Variants in KYNU observed in about 807,000 individuals in gnomAD.
KYNU encodes the protein kynureninase.
KYNU carries 54 observed loss-of-function variants against 59.2 expected under a neutral mutation model. That is an observed-to-expected ratio of 0.91 (90% CI 0.73 to 1.14). The LOEUF (loss-of-function observed/expected upper bound fraction) is 1.14. Ranked by LOEUF, KYNU falls within the 50% of genes most tolerant of loss-of-function variation. KYNU has a pLI of 0.00. For missense variants in KYNU, 567 were observed against 554.4 expected, an observed-to-expected ratio of 1.02 and a Z score of -0.23; for synonymous variants, 177 against 192.0, an observed-to-expected ratio of 0.92 and a Z score of 0.65.
chr2:143,013,509 C>G (rs1452877729), intron 10 of KYNU, among the ~76,000 whole-genome samples: 1 of 152,052 alleles, frequency 6.6e-6, no homozygotes, highest in Non-Finnish European at 1.5e-5. Context: ...TTTTTAATTT[C>G]TAGAAATTTG....
At chr2:142,908,451 T>C (rs1002784409) in intron 2 of KYNU, among the ~76,000 whole-genome samples, 1 of 151,950 alleles carries the variant, frequency 6.6e-6, no homozygotes. Context: ...GTAAATTAAA[T>C]GCCAGGCCTC....
Position 142,985,143 on chromosome 2 carries a change from T to A in KYNU, c.789T>A (p.His263Gln). The change falls in exon 9 of 14, where the codon CAT (histidine) becomes CAA (glutamine). Residue 263 changes from histidine to glutamine, a missense_variant. Coordinates refer to ENST00000264170, the MANE Select transcript of KYNU (RefSeq NM_003937.3). ...TTGGAAATGTTGAACTCTACTTACA[T>A]GACTGGGGAGTTGATTTTGCCTGCT... is the stretch of plus-strand genomic sequence containing the variant. ...HAVGNVELYL[H>Q]DWGVDFACWC... 1 of 1,611,530 alleles carries A rather than the reference T, an allele frequency of 6.2e-7. No individual in the cohort carries two copies. The highest frequency in any genetic ancestry group is 8.5e-7 in the Non-Finnish European group (1 of 1,178,090).
chr2:143,016,607 G>A (rs939889482), intron 10 of KYNU, among the ~76,000 whole-genome samples: 3 of 152,084 alleles, frequency 2.0e-5, no homozygotes, highest in African/African-American at 7.2e-5. Flanking sequence ...TCAGTTATAT[G>A]AACTGCTGTT....
chr2:142,976,728 A>G (rs528255676), intron 8 of KYNU, among the ~76,000 whole-genome samples: 3 of 152,296 alleles, frequency 2.0e-5, no homozygotes, highest in African/African-American at 7.2e-5. Flanking sequence ...CATACCCATG[A>G]CACAGCCTCA....
intron 6 of KYNU, 88 bp from the exon 7 acceptor site, chr2:142,957,553 G>A: frequency 1.3e-6 from 1 of 791,710 alleles, no homozygotes; most frequent in Non-Finnish European, 2.2e-6. Flanking sequence ...ATAATAATAT[G>A]CCCTTATTTT....
At chr2:142,924,351 C>T (rs115294459) in intron 3 of KYNU, among the ~76,000 whole-genome samples, 2,354 of 152,284 alleles carry the variant, frequency 0.015, 59 homozygotes, top group African/African-American at 0.053. Flanking sequence ...AAGGGATCAA[C>T]CCACCTTGGA....
At chr2:142,968,314 T>C (rs1256763628) in intron 8 of KYNU, among the ~76,000 whole-genome samples, 1 of 152,198 alleles carries the variant, frequency 6.6e-6, no homozygotes, top group African/African-American at 2.4e-5. Flanking sequence ...GTAAAATCCC[T>C]TCTAGAAAGT....
chr2:142,920,082 T>TAAA (rs1682824077), intron 3 of KYNU, among the ~76,000 whole-genome samples: 1 of 152,020 alleles, frequency 6.6e-6, no homozygotes, highest in Admixed American at 6.6e-5. Flanking sequence ...AAATAAATAA[T>TAAA]GTTTAGCTTA....
intron 3 of KYNU, among the ~76,000 whole-genome samples, chr2:142,921,544 C>T (rs1573792934): frequency 6.6e-6 from 1 of 151,944 alleles, no homozygotes; most frequent in South Asian, 2.1e-4. Flanking sequence ...GCAGTGGCTA[C>T]CATCTGTAAT....
chr2:143,029,580 C>T (rs761882040), intron 10 of KYNU, 47 bp from the exon 11 acceptor site: 2 of 1,217,706 alleles, frequency 1.6e-6, no homozygotes, highest in Non-Finnish European at 2.4e-6. Context: ...AGCAAGACTC[C>T]ATCCAAAAAA....
At chr2:142,919,739 G>C (rs1460322770) in intron 3 of KYNU, among the ~76,000 whole-genome samples, 1 of 152,164 alleles carries the variant, frequency 6.6e-6, no homozygotes, top group East Asian at 1.9e-4. Flanking sequence ...TTTGAGACCA[G>C]CCTGGCCAAC....
rs1683823702 is a variant in KYNU at position 142,947,323 on chromosome 2, ATTTTTT to A, written c.374-7486_374-7481del. The A allele has an allele frequency of 2.6e-6, 3 of 1,170,308 alleles. No homozygotes were observed. In the East Asian group the frequency reaches 7.7e-5, roughly 30 times the overall value. 72.5% of individuals were successfully genotyped at this position (1,170,308 alleles called of 1,614,324 possible). A position where few individuals can be genotyped will look rare whatever the true frequency, so the allele number is the denominator to read the frequency against. On this transcript the variant is annotated intron_variant, in intron 4 of 13. Coordinates refer to ENST00000264170, the MANE Select transcript of KYNU (RefSeq NM_003937.3). ...CACACCTGTGTCATAGAAGCATTCC[ATTTTTT>A]CTATTGCAGATGGGATTTCCTCTTC...
At chr2:142,953,686 T>C (rs1684069904) in intron 4 of KYNU, among the ~76,000 whole-genome samples, 1 of 152,192 alleles carries the variant, frequency 6.6e-6, no homozygotes, top group Non-Finnish European at 1.5e-5. Flanking sequence ...CTTACAGTGA[T>C]CAGAGATACG....
chr2:143,036,409 T>C (rs1573920637), intron 12 of KYNU, among the ~76,000 whole-genome samples: 2 of 151,998 alleles, frequency 1.3e-5, no homozygotes. Context: ...TTAGAACTTT[T>C]TAAAAGACGT....
Position 143,053,390 on chromosome 2 carries a change from GA to G in KYNU, c.*11221del, listed in dbSNP as rs1687300562. 1 of 152,176 alleles carries G rather than the reference GA, an allele frequency of 6.6e-6. No homozygotes were observed. Among genetic ancestry groups the G allele is most frequent in the East Asian group, 1.9e-4 (1 of 5,196 alleles). The allele number at this position is 152,176 out of a possible 1,614,324, so 9.4% of individuals were successfully genotyped here. A position where few individuals can be genotyped will look rare whatever the true frequency, so the allele number is the denominator to read the frequency against. On this transcript the variant is annotated 3_prime_UTR_variant, in exon 14 of 14. Coordinates refer to ENST00000264170, the MANE Select transcript of KYNU (RefSeq NM_003937.3). ...GACTGCGGACTTTTGAGTTAATGCT[GA>G]AATGAGTTAAGACTTTGGGTGACTG...
chr2:142,912,371 C>CTTTTTTTTTTTTTTTTT (rs60854220), intron 2 of KYNU, among the ~76,000 whole-genome samples: 3 of 89,512 alleles, frequency 3.4e-5, no homozygotes, highest in African/African-American at 4.5e-5. Context: ...TTTTGTATTT[C>CTTTTTTTTTTTTTTTTT]TTTTTTTTTT....
intron 10 of KYNU, among the ~76,000 whole-genome samples, chr2:143,010,822 T>C (rs1383303550): frequency 6.9e-6 from 1 of 144,862 alleles, no homozygotes; most frequent in African/African-American, 2.6e-5. Context: ...AAGGATTCCC[T>C]ATTTAATAAA....
intron 10 of KYNU, among the ~76,000 whole-genome samples, chr2:143,025,553 G>T (rs1020056249): frequency 6.6e-6 from 1 of 151,930 alleles, no homozygotes; most frequent in East Asian, 1.9e-4. Context: ...CTGCTCTCTT[G>T]TATTCTATAC....
rs1573929401 is a variant in KYNU, at chr2:143,049,282, A to G, written c.*7110A>G. 1 of 151,992 alleles carries G rather than the reference A, an allele frequency of 6.6e-6. No individual in the cohort carries two copies. The highest frequency in any genetic ancestry group is 2.1e-4 in the South Asian group (1 of 4,818). 9.4% of individuals were successfully genotyped at this position (151,992 alleles called of 1,614,324 possible). On this transcript the variant is annotated 3_prime_UTR_variant, in exon 14 of 14. Coordinates refer to ENST00000264170, the MANE Select transcript of KYNU (RefSeq NM_003937.3). ...CTGTTCAAAATTCCTTCCATTTGTGATCTTTCGAATGTGCTTCTGCTTTAG... is the reference window on the plus strand; with the variant it reads ...CTGTTCAAAATTCCTTCCATTTGTGGTCTTTCGAATGTGCTTCTGCTTTAG...
Sources: gnomAD v4.1 joint callset for allele counts (sites outside exome capture counted in the v4.1 genomes callset) on GRCh38, gnomAD v4.1.1 for gene constraint, MANE v1.5 for transcripts, NCBI Gene and HGNC (gene_info 2026-07-23, HGNC 2026-07-21) for gene names.